ACSS3: variants seen among roughly 807,000 people sequenced by gnomAD.
ACSS3 encodes acyl-CoA synthetase short-chain family member 3, mitochondrial.
ACSS3 carries 64 observed loss-of-function variants against 84.2 expected under a neutral mutation model. The observed-to-expected ratio is 0.76, with a 90% CI of 0.62 to 0.94. The LOEUF (loss-of-function observed/expected upper bound fraction) is 0.94, where lower values mean the gene tolerates loss of function less well. Among genes scored for constraint, ACSS3 ranks in the 40% least tolerant of loss-of-function variants. The pLI is 0.00. For synonymous variants in ACSS3, 317 were observed against 310.1 expected, an observed-to-expected ratio of 1.02 and a Z score of -0.23; for missense variants, 815 against 867.6, an observed-to-expected ratio of 0.94 and a Z score of 0.76.
chr12:81,238,317 A>G (rs565837968), intron 13 of ACSS3, among the ~76,000 whole-genome samples: 145 of 151,790 alleles, frequency 9.6e-4, no homozygotes, highest in African/African-American at 3.0e-3. Context: ...TACAATGGGA[A>G]TATTTTCTAA....
intron 9 of ACSS3, among the ~76,000 whole-genome samples, chr12:81,215,423 C>T (rs1481791095): frequency 6.6e-6 from 1 of 152,100 alleles, no homozygotes; most frequent in Non-Finnish European, 1.5e-5. Flanking sequence ...TTATTGATGC[C>T]AGCTGAGCCT....
chr12:81,099,709 G>C (rs1882350381), intron 1 of ACSS3, among the ~76,000 whole-genome samples: 1 of 151,190 alleles, frequency 6.6e-6, no homozygotes, highest in South Asian at 2.1e-4. Context: ...CATTCACTCT[G>C]AAAGAAGACT....
At chr12:81,238,480 A>G (rs1452216680) in intron 13 of ACSS3, among the ~76,000 whole-genome samples, 1 of 151,830 alleles carries the variant, frequency 6.6e-6, no homozygotes, top group African/African-American at 2.4e-5. Context: ...GAATTCACCA[A>G]CGAACCTATC....
chr12:81,186,887 C>G (rs1164880857), intron 8 of ACSS3, among the ~76,000 whole-genome samples: 1 of 151,730 alleles, frequency 6.6e-6, no homozygotes, highest in Non-Finnish European at 1.5e-5. Context: ...AAGTCACCAC[C>G]TCATGAACAT....
At chr12:81,203,321 A>T (rs111318535) in intron 9 of ACSS3, among the ~76,000 whole-genome samples, 1 of 152,174 alleles carries the variant, frequency 6.6e-6, no homozygotes, top group African/African-American at 2.4e-5. Context: ...CATCTTGTCC[A>T]TTCAGACTCA....
chr12:81,077,885 C>T, upstream of ACSS3: 1 of 488,494 alleles, frequency 2.0e-6, no homozygotes, highest in Middle Eastern at 5.2e-4. Flanking sequence ...AGCAGCGCAA[C>T]TAACCTGCTG....
chr12:81,211,328 G>A (rs2032583204), intron 9 of ACSS3, among the ~76,000 whole-genome samples: 1 of 151,984 alleles, frequency 6.6e-6, no homozygotes, highest in Non-Finnish European at 1.5e-5. Context: ...TTTATAGGTT[G>A]CATGAGATAT....
intron 13 of ACSS3, among the ~76,000 whole-genome samples, chr12:81,242,938 C>A (rs1010387990): frequency 1.1e-4 from 16 of 152,062 alleles, no homozygotes; most frequent in Non-Finnish European, 1.8e-4. Flanking sequence ...ATTCCCTTTG[C>A]AAACTGGCAC....
chr12:81,091,503 G>A (rs1029617835), intron 1 of ACSS3, among the ~76,000 whole-genome samples: 9 of 151,944 alleles, frequency 5.9e-5, no homozygotes, highest in East Asian at 5.8e-4. Context: ...CATGAGCATC[G>A]TTTTACTTCG....
intron 11 of ACSS3, among the ~76,000 whole-genome samples, chr12:81,226,690 A>G (rs939865849): frequency 8.6e-5 from 13 of 151,920 alleles, no homozygotes; most frequent in African/African-American, 3.1e-4. Flanking sequence ...GATCTAGAAT[A>G]GAAACTTTCT....
chr12:81,227,229 G>A (rs1276620402), intron 11 of ACSS3, among the ~76,000 whole-genome samples: 1 of 151,726 alleles, frequency 6.6e-6, no homozygotes, highest in Non-Finnish European at 1.5e-5. Context: ...TCACATTATG[G>A]AGGATAATCT....
At chr12:81,164,889 A>G (rs765017605) in intron 7 of ACSS3, among the ~76,000 whole-genome samples, 3 of 152,216 alleles carry the variant, frequency 2.0e-5, no homozygotes, top group Non-Finnish European at 4.4e-5. Context: ...ACAAGTAGCC[A>G]TGATTCTGCT....
chr12:81,205,683 A>G (rs1418323001), intron 9 of ACSS3, among the ~76,000 whole-genome samples: 1 of 152,010 alleles, frequency 6.6e-6, no homozygotes, highest in Non-Finnish European at 1.5e-5. Context: ...TTCCTCCTGA[A>G]TTCTCAGACA....
At chr12:81,119,205 G>C (rs987222356) in intron 2 of ACSS3, among the ~76,000 whole-genome samples, 2 of 152,018 alleles carry the variant, frequency 1.3e-5, no homozygotes, top group Non-Finnish European at 2.9e-5. Context: ...ACAGGGAGTA[G>C]GTCATAAGAT....
In ACSS3 at chr12:81,231,879, G is replaced by A. The variant is rs1256367551; in HGVS notation, c.1596+741G>A. The stretch of plus-strand genomic sequence containing the variant: ...TCTACTACCACCCCCCACCCCCACC[G>A]CCTAACCCCAACAGGGACACCTGGT... On this transcript the variant is annotated intron_variant, in intron 12 of 15. Coordinates refer to ENST00000548058, the MANE Select transcript of ACSS3 (RefSeq NM_024560.4). Among the ~76,000 whole-genome samples the A allele has an allele frequency of 5.2e-5, 6 of 115,230 alleles. No individual in the cohort carries two copies. The South Asian group carries it at 9.3e-4, about 18-fold the overall frequency. 75.6% of individuals were successfully genotyped at this position (115,230 alleles called of 152,430 possible). A position where few individuals can be genotyped will look rare whatever the true frequency, so the allele number is the denominator to read the frequency against.
intron 2 of ACSS3, among the ~76,000 whole-genome samples, chr12:81,123,609 C>G (rs955876363): frequency 1.3e-5 from 2 of 150,662 alleles, no homozygotes; most frequent in Admixed American, 1.3e-4. Flanking sequence ...TTCTCACCCC[C>G]CTCTCACCCT....
intron 9 of ACSS3, among the ~76,000 whole-genome samples, chr12:81,208,283 G>T (rs944687069): frequency 2.0e-5 from 3 of 152,116 alleles, no homozygotes; most frequent in African/African-American, 7.2e-5. Flanking sequence ...TTGTTTTAAT[G>T]TAGTTTCTGG....
chr12:81,161,512 T>A (rs1289591814), intron 7 of ACSS3, among the ~76,000 whole-genome samples: 2 of 152,256 alleles, frequency 1.3e-5, no homozygotes, highest in Non-Finnish European at 2.9e-5. Context: ...CAACTTTGCA[T>A]AAAAGTTTGA....
Position 81,256,647 on chromosome 12 carries a change from A to C in ACSS3, c.*1725A>C, listed in dbSNP as rs1288170971. The C allele has an allele frequency of 2.0e-5, 3 of 152,206 alleles. No homozygotes were observed. Among genetic ancestry groups the C allele is most frequent in the Non-Finnish European group, 2.9e-5 (2 of 68,032 alleles). 9.4% of individuals were successfully genotyped at this position (152,206 alleles called of 1,614,324 possible). On this transcript the variant is annotated 3_prime_UTR_variant, in exon 16 of 16. Transcript: ENST00000548058. ...TGAAATGTATGTGAGAGATAAATAG[A>C]TAATAGAAAGTTTATTGTTATAAAA... is the stretch of plus-strand genomic sequence containing the variant.
Sources: allele counts gnomAD v4.1 joint callset (sites outside exome capture counted in the v4.1 genomes callset), GRCh38; gene constraint gnomAD v4.1.1; transcripts MANE v1.5; gene names NCBI Gene and HGNC (gene_info 2026-07-23, HGNC 2026-07-21).